The following TGFBRAP1 variants were observed in gnomAD, a reference collection of about 807,000 sequenced individuals.
The protein encoded by TGFBRAP1 is transforming growth factor-beta receptor-associated protein 1.
In TGFBRAP1, 20 loss-of-function variants were observed where a neutral mutation model predicts 83.2. The ratio of observed to expected loss-of-function variants is 0.24; its 90% CI spans 0.17 to 0.35. The LOEUF (loss-of-function observed/expected upper bound fraction) is 0.35. Among genes scored for constraint, TGFBRAP1 ranks in the 10% least tolerant of loss-of-function variants. TGFBRAP1 has a pLI of 1.00. For missense variants in TGFBRAP1, 950 were observed against 1,099.4 expected, an observed-to-expected ratio of 0.86 and a Z score of 1.92; for synonymous variants, 415 against 459.8, an observed-to-expected ratio of 0.90 and a Z score of 1.25.
chr2:105,290,616 A>AGTGTGTGT (rs3060065), intron 4 of TGFBRAP1, among the ~76,000 whole-genome samples: 3,511 of 139,960 alleles, frequency 0.025, 61 homozygotes, highest in African/African-American at 0.045. Context: ...ACAGAGAGAC[A>AGTGTGTGT]GTGTGTGTGT....
chr2:105,294,495 G>A (rs1341707872), intron 4 of TGFBRAP1, among the ~76,000 whole-genome samples: 3 of 152,160 alleles, frequency 2.0e-5, no homozygotes, highest in Admixed American at 6.5e-5. Flanking sequence ...ATGATGGACT[G>A]CAATCACACA....
chr2:105,273,059 G>A (rs1237550624), intron 9 of TGFBRAP1, 45 bp from the exon 10 acceptor site: 1 of 1,594,418 alleles, frequency 6.3e-7, no homozygotes, highest in Non-Finnish European at 8.5e-7. Flanking sequence ...GTGTTTTCAA[G>A]TGGGAAAGTC....
chr2:105,258,455 G>A, the TGFBRAP1 span, among the ~76,000 whole-genome samples: 1 of 152,078 alleles, frequency 6.6e-6, no homozygotes, highest in Non-Finnish European at 1.5e-5. Context: ...AGAAGGCAGA[G>A]GAAGGAGGAA....
chr2:105,326,949 C>T (rs1679240908), intron 1 of TGFBRAP1, among the ~76,000 whole-genome samples: 1 of 152,156 alleles, frequency 6.6e-6, no homozygotes, highest in Non-Finnish European at 1.5e-5. Flanking sequence ...TAAGTTGTTA[C>T]TCTACATTCA....
rs1263559249 is a variant in TGFBRAP1 at position 105,269,570 on chromosome 2, C to A, written c.2108G>T (p.Cys703Phe). 1.9e-6 allele frequency: 3 copies of A among 1,611,396 alleles called. No individual in the cohort carries two copies. The highest frequency in any genetic ancestry group is 2.5e-6 in the Non-Finnish European group (3 of 1,178,750). The change falls in exon 11 of 12, where the codon TGC becomes TTC. Residue 703 changes from cysteine (C) to phenylalanine (F), a missense_variant. Transcript: ENST00000393359. This position sits in a 1 kb window ranked among gnomAD's most constrained non-coding sequence, Gnocchi z 4.1. The part of the protein sequence containing the change: ...FAAAEDYCLW[C>F]SEGRDPPHRQ... ...GTGGGGTGGGTCTCGGCCCTCGGAG[C>A]ACCACAGGCAGTAGTCCTCGGCCGC...
Position 105,296,337 on chromosome 2 carries a change from T to A in TGFBRAP1, c.1038+19A>T. The A allele has an allele frequency of 1.5e-5, 24 of 1,612,904 alleles. No individual in the cohort carries two copies. Among genetic ancestry groups the A allele is most frequent in the Non-Finnish European group, 1.9e-5 (23 of 1,179,786 alleles). ...CTGGTGACTTAGAGGCATATTTCTG[T>A]GACCAGTTAATTACAAACCTGAAAT... On this transcript the variant is annotated intron_variant, in intron 4 of 11. Coordinates refer to ENST00000393359, the MANE Select transcript of TGFBRAP1 (RefSeq NM_004257.6).
At chr2:105,263,844 C>G (rs1317828039), downstream of TGFBRAP1, among the ~76,000 whole-genome samples, 6 of 152,154 alleles carry the variant, frequency 3.9e-5, no homozygotes, top group Non-Finnish European at 2.9e-5. Flanking sequence ...CGAGATCACA[C>G]CATTGCACTC....
chr2:105,319,543 T>A (rs1037227628), intron 1 of TGFBRAP1, among the ~76,000 whole-genome samples: 2 of 149,822 alleles, frequency 1.3e-5, no homozygotes, highest in Non-Finnish European at 3.0e-5. Context: ...AATACAAAAA[T>A]TAGTTGGGTG....
At chr2:105,268,645 T>C (rs1677028354) in intron 11 of TGFBRAP1, among the ~76,000 whole-genome samples, 1 of 152,156 alleles carries the variant, frequency 6.6e-6, no homozygotes, top group Non-Finnish European at 1.5e-5. Context: ...GACTGCATCT[T>C]CCAGGACAGG....
rs1429777011 is a variant in TGFBRAP1, at chr2:105,264,947, C to G, written c.*2436G>C. ...AATCAGCAGGCCTGTGAGAAAGAACCATACATTTCTCTCAGAAATATGATT... is the reference window on the plus strand; with the variant it reads ...AATCAGCAGGCCTGTGAGAAAGAACGATACATTTCTCTCAGAAATATGATT... On this transcript the variant is annotated 3_prime_UTR_variant, in exon 12 of 12. Coordinates refer to ENST00000393359, the MANE Select transcript of TGFBRAP1 (RefSeq NM_004257.6). The G allele has an allele frequency of 2.0e-5, 3 of 152,188 alleles. No individual in the cohort carries two copies. Among genetic ancestry groups the G allele is most frequent in the African/African-American group, 7.2e-5 (3 of 41,450 alleles). The allele number at this position is 152,188 out of a possible 1,614,324, so 9.4% of individuals were successfully genotyped here. A position where few individuals can be genotyped will look rare whatever the true frequency, so the allele number is the denominator to read the frequency against.
intron 4 of TGFBRAP1, among the ~76,000 whole-genome samples, chr2:105,290,822 T>C (rs1200980941): frequency 6.6e-6 from 1 of 152,084 alleles, no homozygotes; most frequent in African/African-American, 2.4e-5. Context: ...CTAGCCAACA[T>C]GGTGAAACCT....
At chr2:105,254,343 C>T in the TGFBRAP1 span, among the ~76,000 whole-genome samples, 1 of 152,070 alleles carries the variant, frequency 6.6e-6, no homozygotes, top group African/African-American at 2.4e-5. Context: ...GTGTCAGGCT[C>T]CTTTGGGCCA....
chr2:105,316,460 T>TGTGC (rs1429161573), intron 1 of TGFBRAP1, among the ~76,000 whole-genome samples: 3 of 66,930 alleles, frequency 4.5e-5, no homozygotes, highest in African/African-American at 6.4e-5. Flanking sequence ...TGTGTGTGTG[T>TGTGC]GTGCGCGCGC....
chr2:105,251,756 G>C, the TGFBRAP1 span, among the ~76,000 whole-genome samples: 33 of 151,904 alleles, frequency 2.2e-4, no homozygotes, highest in African/African-American at 7.5e-4. Flanking sequence ...TGTCTGTGTA[G>C]AAAGAGGTAG....
At chr2:105,296,257 A>T in intron 4 of TGFBRAP1, 99 bp downstream of exon 4, 1 of 1,404,712 alleles carries the variant, frequency 7.1e-7, no homozygotes, top group Non-Finnish European at 9.8e-7. Flanking sequence ...CAGTGTGTAC[A>T]GCCCGGTACA....
chr2:105,274,318 G>C (rs1400190626), intron 8 of TGFBRAP1, among the ~76,000 whole-genome samples: 1 of 152,202 alleles, frequency 6.6e-6, no homozygotes, highest in East Asian at 1.9e-4. Context: ...GCTCTCCACT[G>C]CACCTCCCCT....
At chr2:105,250,244 G>A in the TGFBRAP1 span, among the ~76,000 whole-genome samples, 6 of 152,116 alleles carry the variant, frequency 3.9e-5, no homozygotes, top group African/African-American at 1.4e-4. Flanking sequence ...CCACCAATCC[G>A]AGGGCACTGA....
intron 1 of TGFBRAP1, 61 bp from the exon 2 acceptor site, chr2:105,308,379 G>A (rs998434248): frequency 1.4e-6 from 2 of 1,415,334 alleles, no homozygotes; most frequent in East Asian, 2.5e-5. Flanking sequence ...AACAGAGGCT[G>A]CAATAATGAT....
In TGFBRAP1 at chr2:105,269,516, G is replaced by GC; in HGVS notation, c.2161dup (p.Ala721GlyfsTer29). ...AGTGGGGCCAGCATGCAGGTAGATG[G>GC]CCAGCAGCGTGTGAAAGAGTTGCTG... On this transcript the variant is annotated frameshift_variant, in exon 11 of 12. Coordinates refer to ENST00000393359, the MANE Select transcript of TGFBRAP1 (RefSeq NM_004257.6). LOFTEE classifies it high-confidence loss of function. This position sits in a 1 kb window ranked among gnomAD's most constrained non-coding sequence, Gnocchi z 4.1. The GC allele has an allele frequency of 6.2e-7, 1 of 1,612,884 alleles. No homozygotes were observed. The highest frequency in any genetic ancestry group is 8.5e-7 in the Non-Finnish European group (1 of 1,179,376).
Sources: allele counts gnomAD v4.1 joint callset (sites outside exome capture counted in the v4.1 genomes callset), GRCh38; gene constraint gnomAD v4.1.1; non-coding constraint Gnocchi (gnomAD v3.1); transcripts MANE v1.5; gene names NCBI Gene and HGNC (gene_info 2026-07-23, HGNC 2026-07-21).